The following AGBL4 variants were observed in gnomAD, a reference collection of about 807,000 sequenced individuals.
AGBL4 encodes cytosolic carboxypeptidase 6.
Under a neutral mutation model 66.4 loss-of-function variants are expected in AGBL4, and 58 were observed. The observed-to-expected ratio is 0.87, with a 90% CI of 0.71 to 1.09. AGBL4 has a LOEUF of 1.09. Among genes scored for constraint, AGBL4 ranks in the 50% least tolerant of loss-of-function variants. The pLI is 0.00. For synonymous variants in AGBL4, 234 were observed against 222.9 expected (o/e 1.05, Z -0.44); for missense variants, 579 against 631.0 (o/e 0.92, Z 0.88).
chr1:49,296,840 T>C (rs1644652731), intron 3 of AGBL4, among the ~76,000 whole-genome samples: 1 of 152,234 alleles, frequency 6.6e-6, no homozygotes, highest in African/African-American at 2.4e-5. Context: ...GCAACCTCAG[T>C]CAATGTCATA....
At chr1:49,687,306 A>G (rs1646804791) in intron 3 of AGBL4, among the ~76,000 whole-genome samples, 1 of 152,218 alleles carries the variant, frequency 6.6e-6, no homozygotes, top group Admixed American at 6.5e-5. Flanking sequence ...TAGCAGAGAT[A>G]GAAAGGCACA....
intron 2 of AGBL4, among the ~76,000 whole-genome samples, chr1:49,851,104 CATG>C (rs1243933152): frequency 6.6e-6 from 1 of 152,072 alleles, no homozygotes; most frequent in Non-Finnish European, 1.5e-5. Flanking sequence ...TACAGTCAAA[CATG>C]AGGGTTTTAT....
chr1:49,188,905 T>G (rs536155326), intron 4 of AGBL4, among the ~76,000 whole-genome samples: 1 of 152,260 alleles, frequency 6.6e-6, no homozygotes, highest in South Asian at 2.1e-4. Flanking sequence ...AAGAACACAG[T>G]GGAAATACTA....
intron 3 of AGBL4, among the ~76,000 whole-genome samples, chr1:49,469,427 G>A (rs150843156): frequency 2.6e-5 from 4 of 151,720 alleles, no homozygotes; most frequent in Non-Finnish European, 4.4e-5. Context: ...TAAGAGATTG[G>A]GCCAACTAAG....
chr1:49,874,651 A>C (rs1320949006), intron 1 of AGBL4, among the ~76,000 whole-genome samples: 2 of 152,110 alleles, frequency 1.3e-5, no homozygotes, highest in African/African-American at 4.8e-5. Flanking sequence ...TAATCATCTT[A>C]GTTGCTCAAG....
intron 9 of AGBL4, among the ~76,000 whole-genome samples, chr1:48,613,216 A>T (rs1338242823): frequency 1.3e-5 from 2 of 152,088 alleles, no homozygotes; most frequent in South Asian, 2.1e-4. Context: ...AAGAAAAATG[A>T]AGAAATGAGA....
intron 3 of AGBL4, among the ~76,000 whole-genome samples, chr1:49,662,510 G>GA (rs1646289332): frequency 1.3e-5 from 2 of 152,004 alleles, no homozygotes; most frequent in Non-Finnish European, 2.9e-5. Context: ...ATATACAGTG[G>GA]AAAATGAAAT....
chr1:49,287,553 G>A (rs1644443273), intron 3 of AGBL4, among the ~76,000 whole-genome samples: 1 of 151,792 alleles, frequency 6.6e-6, no homozygotes, highest in African/African-American at 2.4e-5. Context: ...AGTGGGCAAA[G>A]GATATGAACA....
chr1:48,693,469 C>T (rs576935059), intron 6 of AGBL4, among the ~76,000 whole-genome samples: 16 of 152,238 alleles, frequency 1.1e-4, no homozygotes, highest in Admixed American at 3.9e-4. Context: ...GTGGTCTCCG[C>T]GCTGACCTGT....
At chr1:49,345,085 C>A (rs770568361) in intron 3 of AGBL4, among the ~76,000 whole-genome samples, 7 of 151,974 alleles carry the variant, frequency 4.6e-5, no homozygotes, top group Admixed American at 1.3e-4. Context: ...CCCCTAATTC[C>A]AAAAATGACA....
At chr1:49,723,913 C>T (rs1352690076) in intron 2 of AGBL4, among the ~76,000 whole-genome samples, 3 of 152,044 alleles carry the variant, frequency 2.0e-5, no homozygotes, top group African/African-American at 7.2e-5. Flanking sequence ...AGAAGAAATT[C>T]AGTGAAGAGG....
At chr1:49,487,642 A>C (rs1451866146) in intron 3 of AGBL4, among the ~76,000 whole-genome samples, 1 of 151,958 alleles carries the variant, frequency 6.6e-6, no homozygotes, top group East Asian at 1.9e-4. Flanking sequence ...CCTCACCAGC[A>C]ATGCAGAAAC....
intron 6 of AGBL4, among the ~76,000 whole-genome samples, chr1:48,858,006 G>A (rs1390913413): frequency 6.6e-6 from 1 of 151,852 alleles, no homozygotes; most frequent in African/African-American, 2.4e-5. Context: ...ATCAAAAATG[G>A]GTAAAGGCAA....
At chr1:49,156,209 T>C (rs1646426805) in intron 4 of AGBL4, among the ~76,000 whole-genome samples, 2 of 152,210 alleles carry the variant, frequency 1.3e-5, no homozygotes, top group Non-Finnish European at 1.5e-5. Context: ...GCATTCATCC[T>C]GATGTTAATC....
intron 2 of AGBL4, among the ~76,000 whole-genome samples, chr1:49,836,865 A>C (rs1205329532): frequency 6.6e-6 from 1 of 152,160 alleles, no homozygotes; most frequent in African/African-American, 2.4e-5. Context: ...GAGTTTGCTG[A>C]AGGTCCATTC....
intron 4 of AGBL4, among the ~76,000 whole-genome samples, chr1:49,207,200 A>G (rs1260332804): frequency 1.3e-5 from 2 of 152,058 alleles, no homozygotes; most frequent in African/African-American, 4.8e-5. Context: ...TGTCATTGGA[A>G]GTCTATCAGT....
chr1:48,753,190 G>A (rs575478084), intron 6 of AGBL4, among the ~76,000 whole-genome samples: 1 of 152,246 alleles, frequency 6.6e-6, no homozygotes, highest in Non-Finnish European at 1.5e-5. Flanking sequence ...GAAAACCTCA[G>A]TATTTCTGAC....
At chr1:49,981,388 TTA>T (rs1659044308) in intron 1 of AGBL4, among the ~76,000 whole-genome samples, 1 of 152,104 alleles carries the variant, frequency 6.6e-6, no homozygotes, top group South Asian at 2.1e-4. Flanking sequence ...GAGTATATAT[TTA>T]TATGTCTTAA....
chr1:49,449,329 G>T (rs1373137367), intron 3 of AGBL4, among the ~76,000 whole-genome samples: 1 of 152,022 alleles, frequency 6.6e-6, no homozygotes, highest in East Asian at 1.9e-4. Flanking sequence ...TTGATAGGGA[G>T]GAGTGGTCAC....
Sources: gnomAD v4.1 joint callset for allele counts (sites outside exome capture counted in the v4.1 genomes callset) on GRCh38, gnomAD v4.1.1 for gene constraint, MANE v1.5 for transcripts, NCBI Gene and HGNC (gene_info 2026-07-23, HGNC 2026-07-21) for gene names.